Variants in MIB1 observed in about 807,000 individuals in gnomAD.
MIB1 encodes MIB E3 ubiquitin protein ligase 1.
MIB1 carries 278 observed loss-of-function variants against 124.5 expected under a neutral mutation model. The observed-to-expected ratio is 2.23, with a 90% CI of 2.02 to 2.47. The LOEUF is 2.47. Ranked by LOEUF, MIB1 falls within the 30% of genes most tolerant of loss-of-function variation. MIB1 has a pLI of 0.00. For synonymous variants in MIB1, 446 were observed against 429.4 expected (o/e 1.04, Z -0.48); for missense variants, 957 against 1,254.4 (o/e 0.76, Z 3.58).
intron 11 of MIB1, among the ~76,000 whole-genome samples, chr18:21,817,154 C>CTTTTT (rs1040673828): frequency 1.6e-4 from 12 of 74,992 alleles, no homozygotes; most frequent in Middle Eastern, 0.01. Flanking sequence ...GTTAGGAATT[C>CTTTTT]TTTTTTTTTT....
At chr18:21,819,423 A>G (rs561240617) in intron 11 of MIB1, 72 bp from the exon 12 acceptor site, 2 of 903,278 alleles carry the variant, frequency 2.2e-6, no homozygotes, top group South Asian at 2.0e-5. Context: ...TTTGCTTAGC[A>G]TTTGGTGTAA....
At chr18:21,833,277 A>G (rs1002210304) in intron 12 of MIB1, among the ~76,000 whole-genome samples, 1 of 152,170 alleles carries the variant, frequency 6.6e-6, no homozygotes, top group Non-Finnish European at 1.5e-5. Flanking sequence ...ATTCAGAAAG[A>G]TGATTATTTG....
rs530934372 is a variant in MIB1 at position 21,847,197 on chromosome 18, C to T, written c.2393+72C>T. On this transcript the variant is annotated intron_variant, in intron 16 of 20. Transcript: ENST00000261537. ...TATCATGTGGTTTCGTAATGGAGGA[C>T]GTGGCTACTTGAAAATGTCTTCATC... 802 of 1,250,770 alleles carry T rather than the reference C, an allele frequency of 6.4e-4. 7 individuals carry two copies. In the African/African-American group the frequency reaches 0.01, roughly 16 times the overall value. The allele number at this position is 1,250,770 out of a possible 1,614,324, so 77.5% of individuals were successfully genotyped here.
intron 17 of MIB1, among the ~76,000 whole-genome samples, chr18:21,852,276 G>A (rs2042186789): frequency 6.6e-6 from 1 of 152,172 alleles, no homozygotes; most frequent in Non-Finnish European, 1.5e-5. Context: ...TACATACTGA[G>A]GTGTAAGTTG....
chr18:21,780,171 A>T (rs1053254357), intron 6 of MIB1, among the ~76,000 whole-genome samples: 1 of 152,196 alleles, frequency 6.6e-6, no homozygotes, highest in Non-Finnish European at 1.5e-5. Context: ...TCATCCATGC[A>T]TACAATGTAT....
At chr18:21,780,645 A>G (rs2146427770) in intron 6 of MIB1, among the ~76,000 whole-genome samples, 1 of 152,300 alleles carries the variant, frequency 6.6e-6, no homozygotes, top group African/African-American at 2.4e-5. Context: ...AAGGGGTCTC[A>G]TTGTATTGCC....
At chr18:21,804,852 G>A (rs962654744) in intron 10 of MIB1, among the ~76,000 whole-genome samples, 1 of 152,096 alleles carries the variant, frequency 6.6e-6, no homozygotes. Flanking sequence ...TATTGGAAAA[G>A]AGAAGCCTTT....
At chr18:21,850,459 A>C (rs150006356) in intron 17 of MIB1, among the ~76,000 whole-genome samples, 24 of 152,282 alleles carry the variant, frequency 1.6e-4, no homozygotes, top group African/African-American at 5.8e-4. Context: ...AGTAATTATC[A>C]TAATGAATTA....
At chr18:21,709,935 A>T (rs1221691387) in intron 1 of MIB1, among the ~76,000 whole-genome samples, 1 of 152,252 alleles carries the variant, frequency 6.6e-6, no homozygotes, top group Non-Finnish European at 1.5e-5. Context: ...AAGTTTCCAT[A>T]GCAAATGAGT....
At chr18:21,756,382 C>A (rs547965485) in intron 1 of MIB1, among the ~76,000 whole-genome samples, 1 of 152,172 alleles carries the variant, frequency 6.6e-6, no homozygotes, top group Non-Finnish European at 1.5e-5. Context: ...CAGAGTAGTT[C>A]AAGGTACACA....
intron 1 of MIB1, among the ~76,000 whole-genome samples, chr18:21,732,008 G>C (rs1020336286): frequency 6.7e-6 from 1 of 149,950 alleles, no homozygotes; most frequent in Non-Finnish European, 1.5e-5. Flanking sequence ...AGAAAAATGG[G>C]TGCCCTTTAA....
At chr18:21,781,064 T>C (rs1420200503) in intron 6 of MIB1, among the ~76,000 whole-genome samples, 5 of 152,068 alleles carry the variant, frequency 3.3e-5, no homozygotes, top group African/African-American at 1.2e-4. Context: ...TTTTTTTCTC[T>C]TTTTAAAAAT....
chr18:21,752,851 A>G (rs2040990697), intron 1 of MIB1, among the ~76,000 whole-genome samples: 1 of 152,222 alleles, frequency 6.6e-6, no homozygotes, highest in African/African-American at 2.4e-5. Flanking sequence ...TCATTGCAAT[A>G]TTGTTTATTA....
At chr18:21,798,681 T>A (rs1252266492) in intron 8 of MIB1, among the ~76,000 whole-genome samples, 1 of 152,106 alleles carries the variant, frequency 6.6e-6, no homozygotes, top group Non-Finnish European at 1.5e-5. Flanking sequence ...CTCTTACCAT[T>A]TAATGAGTTG....
At chr18:21,725,109 A>AG (rs1268412449) in intron 1 of MIB1, among the ~76,000 whole-genome samples, 10 of 150,478 alleles carry the variant, frequency 6.6e-5, no homozygotes, top group Non-Finnish European at 1.2e-4. Context: ...AAAAAAAAAA[A>AG]AAAAAAAGAC....
chr18:21,773,821 C>G, intron 4 of MIB1, 93 bp downstream of exon 4: 1 of 718,234 alleles, frequency 1.4e-6, no homozygotes, highest in Non-Finnish European at 2.3e-6. Context: ...TGTCATCTCC[C>G]TTTGTCAGAA....
chr18:21,757,487 CT>C (rs749427675), intron 1 of MIB1, among the ~76,000 whole-genome samples: 170 of 84,338 alleles, frequency 2.0e-3, no homozygotes, highest in African/African-American at 2.3e-3. Context: ...AAAAGACAGT[CT>C]TTTTTTTTTT....
At chr18:21,801,852 A>C (rs1217857548) in intron 9 of MIB1, among the ~76,000 whole-genome samples, 1 of 152,078 alleles carries the variant, frequency 6.6e-6, no homozygotes, top group Non-Finnish European at 1.5e-5. Context: ...TCTGCACTGG[A>C]TGCCCACTTG....
intron 12 of MIB1, among the ~76,000 whole-genome samples, chr18:21,822,138 G>A (rs982734676): frequency 2.0e-5 from 3 of 152,160 alleles, no homozygotes; most frequent in Non-Finnish European, 2.9e-5. Context: ...GAGAAACTGT[G>A]TTAGGAATTC....
Sources: gnomAD v4.1 joint callset for allele counts (sites outside exome capture counted in the v4.1 genomes callset) on GRCh38, gnomAD v4.1.1 for gene constraint, MANE v1.5 for transcripts, NCBI Gene and HGNC (gene_info 2026-07-23, HGNC 2026-07-21) for gene names.